Variants in DCC observed in about 807,000 individuals in gnomAD.
The protein encoded by DCC is DCC netrin 1 receptor.
Under a neutral mutation model 172.5 loss-of-function variants are expected in DCC, and 58 were observed. The ratio of observed to expected loss-of-function variants is 0.34; its 90% CI spans 0.27 to 0.42. DCC has a LOEUF of 0.42. DCC is among the 10% of genes least tolerant of loss of function. DCC has a pLI of 1.00. For synonymous variants in DCC, 709 were observed against 644.5 expected (o/e 1.10, Z -1.52); for missense variants, 1,740 against 1,791.0 (o/e 0.97, Z 0.51).
intron 1 of DCC, among the ~76,000 whole-genome samples, chr18:52,653,889 C>T (rs2035193162): frequency 6.6e-6 from 1 of 152,128 alleles, no homozygotes. Flanking sequence ...CTTCTTGCAT[C>T]TTAATTCATC....
At chr18:52,903,431 T>A (rs2039837809) in intron 2 of DCC, among the ~76,000 whole-genome samples, 1 of 152,172 alleles carries the variant, frequency 6.6e-6, no homozygotes, top group Admixed American at 6.5e-5. Context: ...GGTCTCAAAC[T>A]CCTGTGCTCA....
At chr18:52,687,608 A>G (rs2145004334) in intron 1 of DCC, among the ~76,000 whole-genome samples, 2 of 152,266 alleles carry the variant, frequency 1.3e-5, no homozygotes, top group Middle Eastern at 6.8e-3. Flanking sequence ...AAATAAATGT[A>G]GTTAACGTAT....
At position 52,943,383 on chromosome 18, in the gene DCC, A is replaced by G. The variant is rs556900391; in HGVS notation, c.985+18013A>G. On this transcript the variant is annotated intron_variant, in intron 5 of 28. Transcript: ENST00000442544. ...TCTGCTGTAATTACTGTGCATATTT[A>G]ATCATGTCCATATAAGCATGTTAAT... 3.4e-4 allele frequency among the ~76,000 whole-genome samples: 52 copies of G among 152,294 alleles called. No homozygotes were observed. The South Asian group carries it at 9.9e-3, about 29-fold the overall frequency.
At chr18:52,791,040 ATGG>A (rs2037756247) in intron 2 of DCC, among the ~76,000 whole-genome samples, 1 of 152,056 alleles carries the variant, frequency 6.6e-6, no homozygotes, top group Non-Finnish European at 1.5e-5. Context: ...AATTTTGGAG[ATGG>A]TGGAGATGGA....
intron 7 of DCC, among the ~76,000 whole-genome samples, chr18:53,071,675 T>G (rs2144107642): frequency 6.6e-6 from 1 of 152,332 alleles, no homozygotes; most frequent in East Asian, 1.9e-4. Context: ...TGTTTATTAA[T>G]CTCTCCTTAG....
chr18:53,483,029 G>A (rs1390617728), intron 25 of DCC, among the ~76,000 whole-genome samples: 1 of 151,750 alleles, frequency 6.6e-6, no homozygotes, highest in East Asian at 1.9e-4. Context: ...AATACTCCTA[G>A]AAAATCCTTC....
At chr18:52,498,921 C>G (rs1342666425) in intron 1 of DCC, among the ~76,000 whole-genome samples, 1 of 152,100 alleles carries the variant, frequency 6.6e-6, no homozygotes, top group South Asian at 2.1e-4. Flanking sequence ...CTCCTGTTAC[C>G]TTGAGAATTA....
chr18:52,685,680 T>C (rs1463800084), intron 1 of DCC, among the ~76,000 whole-genome samples: 7 of 152,090 alleles, frequency 4.6e-5, no homozygotes, highest in Admixed American at 6.6e-5. Flanking sequence ...GTGTTTGTTT[T>C]CTCCACTCTC....
intron 1 of DCC, among the ~76,000 whole-genome samples, chr18:52,553,272 C>T (rs1326224410): frequency 6.6e-6 from 1 of 151,798 alleles, no homozygotes; most frequent in East Asian, 1.9e-4. Flanking sequence ...GGTGTAATAC[C>T]AAGGGATGCC....
chr18:52,652,741 G>GTGTGTGTGTGTGTGTGTGT (rs1555709976), intron 1 of DCC, among the ~76,000 whole-genome samples: 139 of 43,126 alleles, frequency 3.2e-3, no homozygotes, highest in African/African-American at 7.7e-3. Flanking sequence ...TGTGTGTGTG[G>GTGTGTGTGTGTGTGTGTGT]GTGGAGGAGG....
intron 1 of DCC, among the ~76,000 whole-genome samples, chr18:52,463,489 C>A (rs1257927888): frequency 6.6e-6 from 1 of 152,132 alleles, no homozygotes; most frequent in Non-Finnish European, 1.5e-5. Context: ...GTGCTAAGAA[C>A]TATTATCTTA....
Position 52,692,705 on chromosome 18 carries a change from T to C in DCC, c.92-59349T>C, listed in dbSNP as rs530748642. 2.6e-5 allele frequency among the ~76,000 whole-genome samples: 4 copies of C among 152,260 alleles called. No homozygotes were observed. In the South Asian group the frequency reaches 8.3e-4, roughly 32 times the overall value. ...CCTTGGTCTCCCAAAGAATTGGGAT[T>C]AGCAGCGTGAGCCACCACACCTGGC... On this transcript the variant is annotated intron_variant, in intron 1 of 28. Coordinates refer to ENST00000442544, the MANE Select transcript of DCC (RefSeq NM_005215.4).
At chr18:53,235,689 A>ATG (rs370326861) in intron 12 of DCC, among the ~76,000 whole-genome samples, 4 of 125,896 alleles carry the variant, frequency 3.2e-5, no homozygotes, top group Non-Finnish European at 6.7e-5. Context: ...AAGTATATTC[A>ATG]TAGTTTTGTA....
chr18:52,785,081 A>T (rs1360767621), intron 2 of DCC, among the ~76,000 whole-genome samples: 2 of 152,040 alleles, frequency 1.3e-5, no homozygotes, highest in African/African-American at 4.8e-5. Context: ...CGAGGTTTAC[A>T]TAGTGCACAG....
chr18:52,779,122 G>T (rs575952535), intron 2 of DCC, among the ~76,000 whole-genome samples: 4 of 152,176 alleles, frequency 2.6e-5, no homozygotes, highest in Admixed American at 2.6e-4. Context: ...CTTTTCAAGT[G>T]TATGTTGGCT....
intron 5 of DCC, among the ~76,000 whole-genome samples, chr18:53,025,833 T>C (rs868800848): frequency 2.6e-4 from 27 of 103,596 alleles, no homozygotes; most frequent in South Asian, 6.0e-4. Flanking sequence ...CACACACACA[T>C]AAAACTTCCA....
chr18:52,610,942 T>C (rs1371433082), intron 1 of DCC, among the ~76,000 whole-genome samples: 1 of 152,188 alleles, frequency 6.6e-6, no homozygotes, highest in African/African-American at 2.4e-5. Context: ...TTAAGTAGTG[T>C]AAATTTTGGC....
At chr18:52,513,530 A>G (rs945532156) in intron 1 of DCC, among the ~76,000 whole-genome samples, 2 of 152,286 alleles carry the variant, frequency 1.3e-5, no homozygotes, top group East Asian at 1.9e-4. Context: ...ACCTATAAGT[A>G]TTTGTTTTCC....
intron 5 of DCC, among the ~76,000 whole-genome samples, chr18:52,957,427 A>T (rs2040763284): frequency 6.6e-6 from 1 of 152,242 alleles, no homozygotes; most frequent in African/African-American, 2.4e-5. Context: ...TATTAGTAGA[A>T]TTTTTTTCAG....
Sources: gnomAD v4.1 joint callset for allele counts (sites outside exome capture counted in the v4.1 genomes callset) on GRCh38, gnomAD v4.1.1 for gene constraint, MANE v1.5 for transcripts, NCBI Gene and HGNC (gene_info 2026-07-23, HGNC 2026-07-21) for gene names.